Variants in HERC2 observed in about 807,000 individuals in gnomAD.
HERC2 encodes the protein E3 ubiquitin-protein ligase HERC2.
In HERC2, 102 loss-of-function variants were observed where a neutral mutation model predicts 537.7. The ratio of observed to expected loss-of-function variants is 0.19; its 90% CI spans 0.16 to 0.22. The LOEUF (loss-of-function observed/expected upper bound fraction) is 0.22, where lower values mean the gene tolerates loss of function less well. HERC2 is among the 10% of genes least tolerant of loss of function. The probability of loss-of-function intolerance (pLI) is 1.00; values close to 1 mark genes in which losing one functional copy is unlikely to be tolerated. For synonymous variants in HERC2, 2,224 were observed against 2,466.2 expected, an observed-to-expected ratio of 0.90 and a Z score of 2.91; for missense variants, 4,236 against 6,198.2, an observed-to-expected ratio of 0.68 and a Z score of 10.63.
chr15:28,130,707 G>T, intron 81 of HERC2, 113 bp from the exon 82 acceptor site: 1 of 818,330 alleles, frequency 1.2e-6, no homozygotes, highest in Non-Finnish European at 2.1e-6. Context: ...TTGTACCCAT[G>T]ATGAATAATT....
At chr15:28,271,899 G>A (rs557933121) in intron 9 of HERC2, 5 of 294,504 alleles carry the variant, frequency 1.7e-5, no homozygotes, top group East Asian at 1.3e-4. Flanking sequence ...CTCAGGTGAC[G>A]TGCCCTGCAC....
chr15:28,304,497 A>G (rs1415986005), intron 2 of HERC2, among the ~76,000 whole-genome samples: 3 of 151,678 alleles, frequency 2.0e-5, no homozygotes, highest in South Asian at 4.2e-4. Context: ...CCTCCCGAGT[A>G]GCTGGGACAA....
chr15:28,287,329 A>C (rs1413273753), intron 4 of HERC2, among the ~76,000 whole-genome samples: 1 of 152,176 alleles, frequency 6.6e-6, no homozygotes, highest in Non-Finnish European at 1.5e-5. Flanking sequence ...TATGCTTTGA[A>C]TCCAAGCCCC....
At chr15:28,136,334 A>C (rs1035238425) in intron 78 of HERC2, among the ~76,000 whole-genome samples, 82 of 152,002 alleles carry the variant, frequency 5.4e-4, no homozygotes, top group African/African-American at 1.9e-3. Flanking sequence ...CTGACATAAT[A>C]TAAGGAAGCC....
chr15:28,321,599 G>C, intron 1 of HERC2, 135 bp from the exon 2 acceptor site: 1 of 420,688 alleles, frequency 2.4e-6, no homozygotes, highest in Non-Finnish European at 4.0e-6. Flanking sequence ...GAGAGAAGGG[G>C]AGAGAGGGAA....
At chr15:28,236,444 C>G (rs1902466997) in intron 26 of HERC2, among the ~76,000 whole-genome samples, 1 of 151,730 alleles carries the variant, frequency 6.6e-6, no homozygotes, top group Non-Finnish European at 1.5e-5. Flanking sequence ...GCACCCGTCA[C>G]CACGCCCAGC....
intron 45 of HERC2, among the ~76,000 whole-genome samples, chr15:28,205,305 G>A (rs1168467581): frequency 1.2e-5 from 1 of 80,648 alleles, no homozygotes; most frequent in African/African-American, 5.6e-5. Flanking sequence ...GTTGCTCAGC[G>A]TCTTCTTTTG....
intron 35 of HERC2, among the ~76,000 whole-genome samples, chr15:28,224,455 C>G (rs957094198): frequency 6.6e-6 from 1 of 152,156 alleles, no homozygotes; most frequent in Non-Finnish European, 1.5e-5. Flanking sequence ...CTCCTGAGCT[C>G]AAGCGACCCA....
chr15:28,191,336 T>C, intron 53 of HERC2, 92 bp from the exon 54 acceptor site: 1 of 772,620 alleles, frequency 1.3e-6, no homozygotes, highest in Non-Finnish European at 2.1e-6. Flanking sequence ...TGAATCTACA[T>C]GAGATTTTTT....
chr15:28,319,333 C>T (rs1045244938), intron 2 of HERC2, among the ~76,000 whole-genome samples: 14 of 152,154 alleles, frequency 9.2e-5, no homozygotes, highest in African/African-American at 2.4e-4. Context: ...CGCCTGTAAT[C>T]CCAGCAATTT....
chr15:28,162,139 G>C (rs1016625961), intron 69 of HERC2, among the ~76,000 whole-genome samples: 3 of 152,166 alleles, frequency 2.0e-5, no homozygotes, highest in Admixed American at 2.0e-4. Context: ...AGACCAGCCG[G>C]GCCAACATGG....
At chr15:28,143,067 TA>T (rs369443373) in intron 74 of HERC2, 115 bp from the exon 75 acceptor site, 37,896 of 631,740 alleles carry the variant, frequency 0.06, 142 homozygotes, top group African/African-American at 0.093. Flanking sequence ...CTAAAAAAAC[TA>T]AAAAAAAAAA....
At chr15:28,139,069 C>G (rs1453888138) in intron 78 of HERC2, among the ~76,000 whole-genome samples, 1 of 152,220 alleles carries the variant, frequency 6.6e-6, no homozygotes, top group African/African-American at 2.4e-5. Flanking sequence ...GACTATAGTA[C>G]TTTTATATCC....
In HERC2 at chr15:28,292,924, A is replaced by G. The variant is rs770229896; in HGVS notation, c.286T>C (p.Ser96Pro). ...ETPAPIYRAK[S>P]ILDSWVWGKQ... ...CCCCATACCCAGCTGTCCAGAATTGACTTGGCCCTATATATAGGTGCAGGA... is the reference window on the plus strand; with the variant it reads ...CCCCATACCCAGCTGTCCAGAATTGGCTTGGCCCTATATATAGGTGCAGGA... The change falls in exon 4 of 93, where the codon TCA becomes CCA. Residue 96 changes from serine (S) to proline (P), a missense_variant. Physicochemically the swap from Ser to Pro is moderately conservative, Grantham distance 74. Transcript: ENST00000261609. 5.0e-6 allele frequency: 8 copies of G among 1,611,134 alleles called. No homozygotes were observed. Among genetic ancestry groups the G allele is most frequent in the Middle Eastern group, 2.3e-4 (1 of 4,428 alleles).
chr15:28,270,530 C>T (rs908532858), intron 10 of HERC2, among the ~76,000 whole-genome samples, 165 bp downstream of exon 10: 3 of 152,092 alleles, frequency 2.0e-5, no homozygotes, highest in African/African-American at 7.2e-5. Flanking sequence ...TCATCACTCA[C>T]TCTCAACACG....
At chr15:28,131,434 C>G (rs1170345637) in intron 81 of HERC2, among the ~76,000 whole-genome samples, 1 of 152,242 alleles carries the variant, frequency 6.6e-6, no homozygotes, top group East Asian at 1.9e-4. Context: ...CCCAAGTACC[C>G]AGCAGAGCAC....
chr15:28,156,215 C>A (rs935405672), intron 69 of HERC2, among the ~76,000 whole-genome samples: 1 of 152,170 alleles, frequency 6.6e-6, no homozygotes, highest in African/African-American at 2.4e-5. Context: ...CAGCTTTGTT[C>A]TTTTGGCTTA....
At chr15:28,146,147 A>C in intron 71 of HERC2, 90 bp downstream of exon 71, 1 of 872,118 alleles carries the variant, frequency 1.1e-6, no homozygotes. Context: ...TGAGAATACG[A>C]AGGCAGCATT....
At chr15:28,167,933 T>G in intron 67 of HERC2, 106 bp from the exon 68 acceptor site, 4 of 1,238,666 alleles carry the variant, frequency 3.2e-6, no homozygotes, top group Non-Finnish European at 4.5e-6. Flanking sequence ...ACTTGGGCTG[T>G]TTAGAATGTT....
Sources: allele counts gnomAD v4.1 joint callset (sites outside exome capture counted in the v4.1 genomes callset), GRCh38; gene constraint gnomAD v4.1.1; transcripts MANE v1.5; gene names NCBI Gene and HGNC (gene_info 2026-07-23, HGNC 2026-07-21).